KLF5: variants seen among roughly 807,000 people sequenced by gnomAD.
KLF5 encodes Krueppel-like factor 5.
In KLF5, 9 loss-of-function variants were observed where a neutral mutation model predicts 36.9. The observed-to-expected ratio is 0.24, with a 90% CI of 0.15 to 0.43. The LOEUF (loss-of-function observed/expected upper bound fraction) is 0.43. Among genes scored for constraint, KLF5 ranks in the 20% least tolerant of loss-of-function variants. The pLI, the probability that KLF5 is intolerant of heterozygous loss-of-function variation, is 1.00. For missense variants in KLF5, 524 were observed against 599.5 expected (o/e 0.87, Z 1.31); for synonymous variants, 246 against 241.7 (o/e 1.02, Z -0.17).
chr13:73,059,780 G>T lies in KLF5; in HGVS notation c.261+192G>T, dbSNP rs1407702109. 6.8e-6 allele frequency: 5 copies of T among 738,524 alleles called. No homozygotes were observed. The Admixed American group carries it at 1.9e-4, about 28-fold the overall frequency. 45.7% of individuals were successfully genotyped at this position (738,524 alleles called of 1,614,324 possible). A position where few individuals can be genotyped will look rare whatever the true frequency, so the allele number is the denominator to read the frequency against. On this transcript the variant is annotated intron_variant, in intron 1 of 3. Coordinates refer to ENST00000377687, the MANE Select transcript of KLF5 (RefSeq NM_001730.5). ...GCGTTTCGCTGAGAGTAAATGGGGGGGGGGGCCGGGGGTGGGAAGGATGGA... is the reference window on the plus strand; with the variant it reads ...GCGTTTCGCTGAGAGTAAATGGGGGTGGGGGCCGGGGGTGGGAAGGATGGA...
At chr13:73,065,627 A>G (rs1403606287) in intron 3 of KLF5, among the ~76,000 whole-genome samples, 3 of 152,216 alleles carry the variant, frequency 2.0e-5, no homozygotes, top group Middle Eastern at 3.2e-3. Flanking sequence ...TCAAAATACA[A>G]ATGACAAGTG....
Position 73,075,754 on chromosome 13 carries a change from C to T in KLF5, c.1242C>T (p.Phe414=), listed in dbSNP as rs760764157. The T allele has an allele frequency of 1.1e-5, 17 of 1,612,014 alleles. No individual in the cohort carries two copies. Among genetic ancestry groups the T allele is most frequent in the East Asian group, 4.5e-5 (2 of 44,812 alleles). Residue 414 remains phenylalanine, a synonymous_variant, in exon 4 of 4, where the codon TTC becomes TTT. Coordinates refer to ENST00000377687, the MANE Select transcript of KLF5 (RefSeq NM_001730.5). ...KCTWEGCDWR[F]ARSDELTRHY... ...CCTGGGAAGGCTGCGACTGGAGGTT[C>T]GCGCGATCGGATGAGCTGACCCGCC...
intron 3 of KLF5, among the ~76,000 whole-genome samples, chr13:73,069,246 T>C (rs1297611712): frequency 1.3e-5 from 2 of 152,228 alleles, no homozygotes; most frequent in African/African-American, 4.8e-5. Flanking sequence ...AAAGGCTTTT[T>C]AGGAAAACTG....
chr13:73,061,758 C>A, intron 1 of KLF5, 103 bp from the exon 2 acceptor site: 2 of 1,062,454 alleles, frequency 1.9e-6, no homozygotes, highest in Non-Finnish European at 2.8e-6. Context: ...TGCCCTAGTA[C>A]CTTACACAGG....
rs1368069315 is a variant in KLF5 at position 73,076,499 on chromosome 13, G to C, written c.*613G>C. The C allele has an allele frequency of 6.6e-6, 1 of 152,540 alleles. No homozygotes were observed. The highest frequency in any genetic ancestry group is 1.5e-5 in the Non-Finnish European group (1 of 68,022). The allele number at this position is 152,540 out of a possible 1,614,324, so 9.4% of individuals were successfully genotyped here. On this transcript the variant is annotated 3_prime_UTR_variant, in exon 4 of 4. Coordinates refer to ENST00000377687, the MANE Select transcript of KLF5 (RefSeq NM_001730.5). ...TTTTTTAGGATTCTTTTGGGGAAGA[G>C]TCATAATTCTTTTGAAAATAACCAT...
upstream of KLF5, among the ~76,000 whole-genome samples, chr13:73,057,036 G>C (rs1209570575): frequency 3.3e-5 from 5 of 151,982 alleles, no homozygotes; most frequent in Non-Finnish European, 5.9e-5. Context: ...TTTTATTGCA[G>C]TGAAAACTTA....
chr13:73,062,732 C>T lies in KLF5; in HGVS notation c.1133C>T (p.Pro378Leu). Residue 378 changes from proline to leucine, a missense_variant and splice_region_variant, in exon 2 of 4, where the codon CCT becomes CTT. Transcript: ENST00000377687. ...CGACGCATCCACTACTGCGATTACC[C>T]TGGTATGTGCTCTTACCTGGTTGAA... Reference protein sequence around the residue: ...EKRRIHYCDYPGCTKVYTKSS... With the variant: ...EKRRIHYCDYLGCTKVYTKSS... 6.2e-7 allele frequency: 1 copy of T among 1,612,322 alleles called. No individual in the cohort carries two copies. The highest frequency in any genetic ancestry group is 8.5e-7 in the Non-Finnish European group (1 of 1,179,008).
intron 3 of KLF5, among the ~76,000 whole-genome samples, chr13:73,066,386 T>A (rs903997758): frequency 1.3e-5 from 2 of 152,114 alleles, no homozygotes; most frequent in Non-Finnish European, 2.9e-5. Context: ...CTAAATTACT[T>A]CTCTTATGTA....
upstream of KLF5, among the ~76,000 whole-genome samples, chr13:73,057,649 C>T (rs2044591295): frequency 6.6e-6 from 1 of 152,184 alleles, no homozygotes; most frequent in Admixed American, 6.5e-5. Flanking sequence ...TTGATAGATA[C>T]ACTCTTTGAA....
rs1482296390 is a variant in KLF5, at chr13:73,077,016, ATAT to A, written c.*1131_*1133del. 1.3e-5 allele frequency: 2 copies of A among 152,616 alleles called. No individual in the cohort carries two copies. The highest frequency in any genetic ancestry group is 4.8e-5 in the African/African-American group (2 of 41,464). 9.5% of individuals were successfully genotyped at this position (152,616 alleles called of 1,614,324 possible). ...ATACTGACTCAGTGTCTGCCTTTAA[ATAT>A]AAATGATATGTTGAAAACTTAAGGA... On this transcript the variant is annotated 3_prime_UTR_variant, in exon 4 of 4. Coordinates refer to ENST00000377687, the MANE Select transcript of KLF5 (RefSeq NM_001730.5).
upstream of KLF5, chr13:73,055,096 T>C (rs1480097055): frequency 3.9e-5 from 6 of 152,228 alleles, no homozygotes; most frequent in African/African-American, 7.2e-5. Context: ...TTTATATTTA[T>C]GTCACTTTTG....
intron 1 of KLF5, among the ~76,000 whole-genome samples, chr13:73,061,308 CAAGAA>C (rs1460341050): frequency 1.3e-5 from 2 of 151,984 alleles, no homozygotes; most frequent in South Asian, 4.2e-4. Flanking sequence ...GAACTGTAAA[CAAGAA>C]AAGACACTGA....
intron 2 of KLF5, 45 bp downstream of exon 2, chr13:73,062,779 G>GTGTC: frequency 2.6e-6 from 4 of 1,556,192 alleles, no homozygotes; most frequent in Non-Finnish European, 3.5e-6. Flanking sequence ...TGTAGTGTGT[G>GTGTC]TGTGTGTGTG....
intron 3 of KLF5, among the ~76,000 whole-genome samples, chr13:73,065,718 G>GT (rs1555337097): frequency 2.6e-5 from 4 of 152,080 alleles, no homozygotes; most frequent in African/African-American, 7.2e-5. Flanking sequence ...TTGAACTATT[G>GT]TTTTTTTCAC....
intron 3 of KLF5, among the ~76,000 whole-genome samples, chr13:73,071,542 C>T (rs2044722101): frequency 6.6e-6 from 1 of 151,162 alleles, no homozygotes; most frequent in South Asian, 2.1e-4. Context: ...AAATCATCCT[C>T]CTACTTTATC....
In KLF5 at chr13:73,059,465, C is replaced by G. The variant is rs897433756; in HGVS notation, c.138C>G (p.Phe46Leu). The change falls in exon 1 of 4, where the codon TTC becomes TTG. Residue 46 changes from phenylalanine to leucine, a missense_variant. This residue lies in a region of KLF5 where 454 missense variants were observed against 458.1 expected (regional missense o/e 0.99). Coordinates refer to ENST00000377687, the MANE Select transcript of KLF5 (RefSeq NM_001730.5). Reference sequence around the variant, plus strand: ...ATCCGGCCCGCGACGCGGCGCTCTTCCCCGGCGAGGAGCTGAAGCACGCGC... The same window carrying G: ...ATCCGGCCCGCGACGCGGCGCTCTTGCCCGGCGAGGAGCTGAAGCACGCGC... ...AANPARDAAL[F>L]PGEELKHAHH... is the part of the protein sequence containing the mutation. The G allele has an allele frequency of 2.0e-5, 26 of 1,275,756 alleles. No homozygotes were observed. In the African/African-American group the frequency reaches 3.6e-4, roughly 17 times the overall value. 79.0% of individuals were successfully genotyped at this position (1,275,756 alleles called of 1,614,324 possible).
At chr13:73,070,930 A>G (rs2044718113) in intron 3 of KLF5, among the ~76,000 whole-genome samples, 1 of 152,220 alleles carries the variant, frequency 6.6e-6, no homozygotes, top group African/African-American at 2.4e-5. Context: ...AGGAGGGTCC[A>G]CAGAAGAATA....
intron 1 of KLF5, chr13:73,059,873 CT>C: frequency 1.1e-6 from 1 of 930,644 alleles, no homozygotes; most frequent in Non-Finnish European, 1.3e-6. Flanking sequence ...TCACGCGCAC[CT>C]TAGTTGTTTT....
chr13:73,067,013 AGT>A (rs1228632838), intron 3 of KLF5, among the ~76,000 whole-genome samples: 2 of 152,202 alleles, frequency 1.3e-5, no homozygotes, highest in East Asian at 1.9e-4. Context: ...TATTATTTGT[AGT>A]ATGTGTGTGT....
Sources: allele counts gnomAD v4.1 joint callset (sites outside exome capture counted in the v4.1 genomes callset), GRCh38; gene constraint gnomAD v4.1.1; regional missense constraint gnomAD v4.1.1; transcripts MANE v1.5; gene names NCBI Gene and HGNC (gene_info 2026-07-23, HGNC 2026-07-21).